The following RP1 variants were observed in gnomAD, a reference collection of about 807,000 sequenced individuals.
RP1 encodes the protein RP1 axonemal microtubule associated.
A neutral mutation model predicts 14.8 loss-of-function variants in RP1; 16 were observed. The observed-to-expected ratio is 1.08, with a 90% CI of 0.73 to 1.65. The LOEUF (loss-of-function observed/expected upper bound fraction) is 1.65, where lower values mean the gene tolerates loss of function less well. RP1 is among the 40% of genes most tolerant of loss of function. The pLI is 0.00. For missense variants in RP1, 2,631 were observed against 2,535.0 expected, an observed-to-expected ratio of 1.04 and a Z score of -0.81; for synonymous variants, 876 against 883.6, an observed-to-expected ratio of 0.99 and a Z score of 0.15.
At chr8:54,660,747 T>C (rs1806868861) in intron 6 of RP1, among the ~76,000 whole-genome samples, 1 of 152,144 alleles carries the variant, frequency 6.6e-6, no homozygotes, top group South Asian at 2.1e-4. Context: ...TGATGCCCTA[T>C]GGGTACTTTT....
At chr8:54,660,912 A>G (rs1430741071) in intron 6 of RP1, among the ~76,000 whole-genome samples, 148 of 151,982 alleles carry the variant, frequency 9.7e-4, no homozygotes, top group Non-Finnish European at 2.8e-4. Context: ...AATAGCACAA[A>G]GGTGATAGAC....
At chr8:54,749,257 G>T (rs2129363582) in intron 19 of RP1, among the ~76,000 whole-genome samples, 1 of 152,058 alleles carries the variant, frequency 6.6e-6, no homozygotes, top group Admixed American at 6.5e-5. Context: ...TGTGAACATG[G>T]GAGGCGGAGT....
At chr8:54,736,247 C>A (rs771412120) in intron 18 of RP1, among the ~76,000 whole-genome samples, 2 of 152,126 alleles carry the variant, frequency 1.3e-5, no homozygotes, top group Non-Finnish European at 2.9e-5. Flanking sequence ...AAGATCTTTT[C>A]TTTCTAAATT....
intron 24 of RP1, among the ~76,000 whole-genome samples, chr8:54,827,834 G>A (rs1475581991): frequency 6.6e-6 from 1 of 151,422 alleles, no homozygotes; most frequent in East Asian, 1.9e-4. Flanking sequence ...GAAGGCGGAG[G>A]TAGCAGTAAG....
chr8:54,764,302 T>C (rs1219998849), intron 22 of RP1, among the ~76,000 whole-genome samples: 1 of 152,238 alleles, frequency 6.6e-6, no homozygotes, highest in Non-Finnish European at 1.5e-5. Context: ...CACTTTCTTC[T>C]CTGCTCCTCA....
At chr8:54,633,710 CCTCTCTCT>C (rs3077384), downstream of RP1, among the ~76,000 whole-genome samples, 8 of 118,512 alleles carry the variant, frequency 6.8e-5, no homozygotes, top group South Asian at 3.0e-4. Flanking sequence ...TTATTTTGTG[CCTCTCTCT>C]CTCTCTCTCT....
At chr8:54,614,846 A>T (rs387287), upstream of RP1, among the ~76,000 whole-genome samples, 2 of 152,068 alleles carry the variant, frequency 1.3e-5, no homozygotes, top group Non-Finnish European at 1.5e-5. Flanking sequence ...CCTCACTGGC[A>T]GAAATACTTT....
At chr8:54,767,064 G>T (rs1447921681) in intron 22 of RP1, among the ~76,000 whole-genome samples, 1 of 152,184 alleles carries the variant, frequency 6.6e-6, no homozygotes, top group Non-Finnish European at 1.5e-5. Flanking sequence ...AGAAAAGTAG[G>T]ATGGTTGTTT....
intron 1 of RP1, among the ~76,000 whole-genome samples, chr8:54,570,444 T>A (rs1279081055): frequency 6.6e-6 from 1 of 151,558 alleles, no homozygotes. Flanking sequence ...TTCACCAGCC[T>A]CAGCCTCCTG....
chr8:54,799,092 T>C (rs749747448), intron 24 of RP1, among the ~76,000 whole-genome samples: 1 of 152,038 alleles, frequency 6.6e-6, no homozygotes, highest in Non-Finnish European at 1.5e-5. Context: ...TGAGACTATG[T>C]TAATTAAGTA....
Position 54,748,053 on chromosome 8 carries a change from C to T in RP1, c.2809-6750C>T, listed in dbSNP as rs556030737. Among the ~76,000 whole-genome samples the T allele has an allele frequency of 9.7e-4, 148 of 152,148 alleles. 1 individual carries two copies. Among genetic ancestry groups the T allele is most frequent in the Non-Finnish European group, 1.8e-3 (121 of 68,030 alleles). Reference sequence around the variant, plus strand: ...TCTAAGTCTTTGAATTGAAGTGGGTCATAGGTTTTGGTGAATTTGTTATTA... The same window carrying T: ...TCTAAGTCTTTGAATTGAAGTGGGTTATAGGTTTTGGTGAATTTGTTATTA... On this transcript the variant is annotated intron_variant, in intron 19 of 22. Coordinates refer to the RP1 transcript ENST00000636932.
At chr8:54,617,135 T>C (rs749136359) in intron 1 of RP1, among the ~76,000 whole-genome samples, 1 of 152,224 alleles carries the variant, frequency 6.6e-6, no homozygotes, top group Non-Finnish European at 1.5e-5. Flanking sequence ...AAAAAGTTTT[T>C]GTAAACCAGC....
chr8:54,639,936 A>T (rs866658269), intron 3 of RP1, among the ~76,000 whole-genome samples: 19 of 152,128 alleles, frequency 1.2e-4, no homozygotes, highest in Admixed American at 5.9e-4. Flanking sequence ...TGAATGAACA[A>T]GTTTTAAATT....
intron 1 of RP1, among the ~76,000 whole-genome samples, chr8:54,562,281 T>A (rs1412197314): frequency 6.6e-6 from 1 of 152,236 alleles, no homozygotes; most frequent in African/African-American, 2.4e-5. Context: ...AATTATTGCT[T>A]TTATTAAATT....
In RP1 at chr8:54,627,984, A is replaced by G. The variant is rs757926749; in HGVS notation, c.4102A>G (p.Ile1368Val). 5 of 1,614,082 alleles carry G rather than the reference A, an allele frequency of 3.1e-6. No homozygotes were observed. The highest frequency in any genetic ancestry group is 4.2e-6 in the Non-Finnish European group (5 of 1,179,938). Reference sequence around the variant, plus strand: ...TGAAGAGTTAGAAAGAGGTGATGACATTCAGAAAGATCTAAATATTTTGAC... The same window carrying G: ...TGAAGAGTTAGAAAGAGGTGATGACGTTCAGAAAGATCTAAATATTTTGAC... Reference protein sequence around the residue: ...STEELERGDDIQKDLNILTDP... With the variant: ...STEELERGDDVQKDLNILTDP... Residue 1368 changes from isoleucine (I) to valine (V), a missense_variant, in exon 4 of 4, where the codon ATT becomes GTT. Coordinates refer to ENST00000220676, the MANE Select transcript of RP1 (RefSeq NM_006269.2).
rs537640934 is a variant in RP1 at position 54,746,040 on chromosome 8, A to G, written c.2808+7011A>G. Among the ~76,000 whole-genome samples, 77 of 152,346 alleles carry G rather than the reference A, an allele frequency of 5.1e-4. 2 individuals carry two copies. The South Asian group carries it at 9.3e-3, about 18-fold the overall frequency. On this transcript the variant is annotated intron_variant, in intron 19 of 22. Transcript: ENST00000636932. ...AAGGCTGCCTTTTGTGGACTTGGAA[A>G]ATCTGAAAGTCTGTCATTATTAGGA...
intron 27 of RP1, among the ~76,000 whole-genome samples, chr8:54,857,865 C>T (rs16920853): frequency 0.053 from 8,106 of 152,228 alleles, 713 homozygotes; most frequent in African/African-American, 0.18. Flanking sequence ...TCATATCTTT[C>T]CTACTGGCTC....
At chr8:54,722,076 C>T (rs552784574) in intron 16 of RP1, among the ~76,000 whole-genome samples, 198 of 152,028 alleles carry the variant, frequency 1.3e-3, no homozygotes, top group African/African-American at 4.6e-3. Context: ...AACCCTGTCT[C>T]TACTAAAAAT....
At chr8:54,667,932 C>T (rs979484637) in intron 7 of RP1, among the ~76,000 whole-genome samples, 54 of 152,106 alleles carry the variant, frequency 3.6e-4, no homozygotes, top group Admixed American at 3.3e-3. Context: ...GGTACCATTC[C>T]TTCTGAAACT....
Sources: gnomAD v4.1 joint callset for allele counts (sites outside exome capture counted in the v4.1 genomes callset) on GRCh38, gnomAD v4.1.1 for gene constraint, MANE v1.5 for transcripts, NCBI Gene and HGNC (gene_info 2026-07-23, HGNC 2026-07-21) for gene names.